Variants in SLC8A1 observed in about 807,000 individuals in gnomAD.
SLC8A1 encodes the protein solute carrier family 8 member A1, also known as sodium/calcium exchanger 1.
A neutral mutation model predicts 68.3 loss-of-function variants in SLC8A1; 18 were observed. The ratio of observed to expected loss-of-function variants is 0.26; its 90% CI spans 0.18 to 0.39. The LOEUF (loss-of-function observed/expected upper bound fraction) is 0.39, where lower values mean the gene tolerates loss of function less well. Among genes scored for constraint, SLC8A1 ranks in the 10% least tolerant of loss-of-function variants. The pLI, the probability that SLC8A1 is intolerant of heterozygous loss-of-function variation, is 1.00. For synonymous variants in SLC8A1, 475 were observed against 415.5 expected, an observed-to-expected ratio of 1.14 and a Z score of -1.74; for missense variants, 985 against 1,156.7, an observed-to-expected ratio of 0.85 and a Z score of 2.15.
intron 2 of SLC8A1, among the ~76,000 whole-genome samples, chr2:40,377,506 A>G (rs1680276526): frequency 6.6e-6 from 1 of 152,142 alleles, no homozygotes; most frequent in Admixed American, 6.6e-5. Context: ...ATATAAAAAT[A>G]TTTGAAGTGC....
At chr2:40,366,985 CT>C (rs909148735) in intron 2 of SLC8A1, among the ~76,000 whole-genome samples, 1 of 151,896 alleles carries the variant, frequency 6.6e-6, no homozygotes, top group Non-Finnish European at 1.5e-5. Context: ...AAAATTCCAC[CT>C]GAGATTAACC....
chr2:40,151,368 T>A (rs1405254249), intron 6 of SLC8A1, among the ~76,000 whole-genome samples: 1 of 152,182 alleles, frequency 6.6e-6, no homozygotes, highest in Non-Finnish European at 1.5e-5. Flanking sequence ...TTGGAAAACT[T>A]TAATTCACAA....
intron 2 of SLC8A1, among the ~76,000 whole-genome samples, chr2:40,330,225 G>A (rs1240103846): frequency 6.6e-6 from 1 of 152,144 alleles, no homozygotes; most frequent in Non-Finnish European, 1.5e-5. Flanking sequence ...GCATAGTAGA[G>A]GCAGGATGAT....
At chr2:40,323,807 G>A (rs2075492965) in intron 2 of SLC8A1, among the ~76,000 whole-genome samples, 1 of 152,114 alleles carries the variant, frequency 6.6e-6, no homozygotes, top group African/African-American at 2.4e-5. Context: ...GGGATATGAA[G>A]TGATGCCAGA....
At chr2:40,446,942 T>A (rs1351591316) in intron 1 of SLC8A1, among the ~76,000 whole-genome samples, 1 of 152,224 alleles carries the variant, frequency 6.6e-6, no homozygotes, top group Non-Finnish European at 1.5e-5. Context: ...CACTGAATGC[T>A]CCATAAATAT....
intron 2 of SLC8A1, among the ~76,000 whole-genome samples, chr2:40,401,384 T>C (rs1258409778): frequency 1.3e-5 from 2 of 152,160 alleles, no homozygotes; most frequent in African/African-American, 4.8e-5. Context: ...CCCAAACCTT[T>C]CAAGGTCTAA....
intron 2 of SLC8A1, among the ~76,000 whole-genome samples, chr2:40,258,730 TAC>T (rs1403089335): frequency 5.9e-5 from 9 of 151,844 alleles, no homozygotes; most frequent in African/African-American, 2.2e-4. Context: ...TAACCCTAGC[TAC>T]ATGAAAGGAT....
chr2:40,427,036 T>A (rs1420949741), intron 2 of SLC8A1, among the ~76,000 whole-genome samples: 2 of 151,918 alleles, frequency 1.3e-5, no homozygotes, highest in African/African-American at 4.8e-5. Flanking sequence ...ACAAAACACA[T>A]CTCAATAAGT....
chr2:40,264,007 AAAAC>A (rs1352550276), intron 2 of SLC8A1, among the ~76,000 whole-genome samples: 13 of 152,212 alleles, frequency 8.5e-5, no homozygotes, highest in African/African-American at 2.2e-4. Context: ...TTACAAGAAA[AAAAC>A]AAACAACCCC....
At chr2:40,357,790 G>A (rs1282320422) in intron 2 of SLC8A1, among the ~76,000 whole-genome samples, 1 of 152,048 alleles carries the variant, frequency 6.6e-6, no homozygotes, top group Non-Finnish European at 1.5e-5. Context: ...TAGCTTATAC[G>A]ACATTCCTTT....
At chr2:40,496,441 TA>T (rs1363245546) in intron 1 of SLC8A1, among the ~76,000 whole-genome samples, 1 of 152,126 alleles carries the variant, frequency 6.6e-6, no homozygotes, top group African/African-American at 2.4e-5. Context: ...ATAATGTTGC[TA>T]AAAATGCTAA....
At chr2:40,449,452 G>A (rs1702042015) in intron 1 of SLC8A1, among the ~76,000 whole-genome samples, 1 of 152,256 alleles carries the variant, frequency 6.6e-6, no homozygotes, top group South Asian at 2.1e-4. Flanking sequence ...AGTTCTCTTG[G>A]AATATATTTT....
At chr2:40,450,189 T>G (rs1481834508) in intron 1 of SLC8A1, among the ~76,000 whole-genome samples, 3 of 152,172 alleles carry the variant, frequency 2.0e-5, no homozygotes, top group African/African-American at 7.2e-5. Flanking sequence ...CCCAGGGAGC[T>G]CAATCCAAGT....
At chr2:40,343,056 A>G (rs1439543131) in intron 2 of SLC8A1, among the ~76,000 whole-genome samples, 1 of 152,118 alleles carries the variant, frequency 6.6e-6, no homozygotes, top group Non-Finnish European at 1.5e-5. Context: ...AAATGAGGAT[A>G]TTGGAATAAA....
chr2:40,496,479 T>G (rs763779899), intron 1 of SLC8A1, among the ~76,000 whole-genome samples: 8 of 152,104 alleles, frequency 5.3e-5, no homozygotes, highest in Non-Finnish European at 1.0e-4. Context: ...GCACCATGTG[T>G]GGATTTTGCC....
chr2:40,162,397 G>T (rs1480385807), intron 5 of SLC8A1, among the ~76,000 whole-genome samples: 1 of 152,208 alleles, frequency 6.6e-6, no homozygotes, highest in Non-Finnish European at 1.5e-5. Flanking sequence ...TCTCTCCAAA[G>T]AGGCACTCTG....
chr2:40,437,520 A>G (rs1293807248), intron 1 of SLC8A1, among the ~76,000 whole-genome samples: 1 of 152,156 alleles, frequency 6.6e-6, no homozygotes, highest in Non-Finnish European at 1.5e-5. Context: ...GGTCAGGAGA[A>G]AAGCAAATGA....
chr2:40,177,476 C>T (rs755037268), intron 3 of SLC8A1, among the ~76,000 whole-genome samples: 5 of 152,174 alleles, frequency 3.3e-5, no homozygotes, highest in Non-Finnish European at 5.9e-5. Context: ...AAACTAAACA[C>T]ATTCTTTTAT....
chr2:40,359,327 C>G (rs190176801), intron 2 of SLC8A1, among the ~76,000 whole-genome samples: 14 of 152,086 alleles, frequency 9.2e-5, no homozygotes, highest in Non-Finnish European at 2.1e-4. Context: ...TTTATTTTTA[C>G]TTTTTTAAGA....
Sources: allele counts gnomAD v4.1 joint callset (sites outside exome capture counted in the v4.1 genomes callset), GRCh38; gene constraint gnomAD v4.1.1; transcripts MANE v1.5; gene names NCBI Gene and HGNC (gene_info 2026-07-23, HGNC 2026-07-21).